FAM81A: variants seen among roughly 807,000 people sequenced by gnomAD.
FAM81A encodes family with sequence similarity 81 member A, also known as protein FAM81A.
FAM81A carries 19 observed loss-of-function variants against 46.7 expected under a neutral mutation model. The observed-to-expected ratio is 0.41, with a 90% confidence interval of 0.28 to 0.60. The LOEUF is 0.60. Among genes scored for constraint, FAM81A ranks in the 20% least tolerant of loss-of-function variants. FAM81A has a pLI of 0.34. For missense variants in FAM81A, 377 were observed against 453.5 expected (o/e 0.83, Z 1.53); for synonymous variants, 183 against 152.9 (o/e 1.20, Z -1.45).
At chr15:59,481,731 C>T (rs1442631850) in intron 3 of FAM81A, among the ~76,000 whole-genome samples, 1 of 151,662 alleles carries the variant, frequency 6.6e-6, no homozygotes, top group Non-Finnish European at 1.5e-5. Flanking sequence ...AATATTAATT[C>T]CAAGAACTAG....
At chr15:59,429,922 A>C (rs980767939) in intron 2 of FAM81A, among the ~76,000 whole-genome samples, 3 of 152,186 alleles carry the variant, frequency 2.0e-5, no homozygotes, top group Admixed American at 2.0e-4. Context: ...GCAGGTGGCG[A>C]AGAGTCTTAG....
intron 5 of FAM81A, among the ~76,000 whole-genome samples, chr15:59,508,394 G>A (rs538935807): frequency 1.4e-4 from 21 of 152,338 alleles, no homozygotes; most frequent in African/African-American, 5.1e-4. Flanking sequence ...TGGGTAGGTG[G>A]TGTGAGAAAG....
intron 3 of FAM81A, among the ~76,000 whole-genome samples, chr15:59,484,725 G>T (rs1190682446): frequency 2.0e-5 from 3 of 152,190 alleles, no homozygotes; most frequent in Non-Finnish European, 2.9e-5. Context: ...GATTTCTTCT[G>T]CTTGAGAAAA....
Position 59,516,175 on chromosome 15 carries a change from G to A in FAM81A, c.787-470G>A, listed in dbSNP as rs142924720. On this transcript the variant is annotated intron_variant, in intron 7 of 8. Transcript: ENST00000288228. ...AGAGTCTCACTCTGTTACCCAGGCT[G>A]GAGTGGAATGGCGAGATCTTGGCTC... Among the ~76,000 whole-genome samples, 750 of 148,232 alleles carry A rather than the reference G, an allele frequency of 5.1e-3. 24 individuals carry two copies. Among genetic ancestry groups the A allele is most frequent in the Admixed American group, 0.042 (627 of 14,778 alleles).
upstream of FAM81A, among the ~76,000 whole-genome samples, chr15:59,434,208 T>C (rs1474183143): frequency 3.3e-5 from 5 of 152,170 alleles, no homozygotes; most frequent in East Asian, 9.6e-4. Context: ...AAAGGAATGG[T>C]AGAATTTAGA....
At chr15:59,520,563 A>ATTTTTTT (rs71119482) in intron 8 of FAM81A, among the ~76,000 whole-genome samples, 1 of 122,250 alleles carries the variant, frequency 8.2e-6, no homozygotes, top group Admixed American at 8.3e-5. Context: ...TGTTTGCTTC[A>ATTTTTTT]TTTTTTTTTT....
At chr15:59,457,021 G>A (rs1351336915) in intron 1 of FAM81A, among the ~76,000 whole-genome samples, 5 of 152,202 alleles carry the variant, frequency 3.3e-5, no homozygotes, top group Non-Finnish European at 1.5e-5. Context: ...TATCTCAACT[G>A]AGATGTCTTA....
chr15:59,434,879 C>A (rs1567042055), upstream of FAM81A, among the ~76,000 whole-genome samples: 1 of 152,246 alleles, frequency 6.6e-6, no homozygotes, highest in Non-Finnish European at 1.5e-5. Flanking sequence ...TTGACCTCTA[C>A]CTACCTAGAG....
chr15:59,449,995 C>T (rs886989947), intron 1 of FAM81A, among the ~76,000 whole-genome samples: 3 of 151,202 alleles, frequency 2.0e-5, no homozygotes, highest in African/African-American at 7.3e-5. Context: ...GGTCACTGCT[C>T]ACTGCAGCCT....
chr15:59,451,125 T>A (rs545745430), intron 1 of FAM81A, among the ~76,000 whole-genome samples: 1 of 152,326 alleles, frequency 6.6e-6, no homozygotes, highest in African/African-American at 2.4e-5. Flanking sequence ...TAGATCAGCA[T>A]TGTTAGGGTG....
chr15:59,436,955 C>A (rs1178985861), upstream of FAM81A, among the ~76,000 whole-genome samples: 2 of 152,152 alleles, frequency 1.3e-5, no homozygotes, highest in Admixed American at 1.3e-4. Flanking sequence ...TTCATCTTCA[C>A]CATTGTGTCT....
chr15:59,445,583 C>T (rs1406492628), intron 1 of FAM81A: 3 of 152,166 alleles, frequency 2.0e-5, no homozygotes, highest in Non-Finnish European at 2.9e-5. Context: ...AGAAGTCCAG[C>T]CTCCTCTCTC....
chr15:59,399,061 C>T (rs1009945017), intron 1 of FAM81A, among the ~76,000 whole-genome samples: 2 of 151,954 alleles, frequency 1.3e-5, no homozygotes, highest in Non-Finnish European at 2.9e-5. Context: ...CCCAGCTACT[C>T]GGTAGGCTGA....
At chr15:59,466,727 T>A (rs1157579866) in intron 3 of FAM81A, among the ~76,000 whole-genome samples, 1 of 152,166 alleles carries the variant, frequency 6.6e-6, no homozygotes, top group African/African-American at 2.4e-5. Context: ...CCCATTTGTC[T>A]ATTTTGGCTT....
At chr15:59,465,086 G>T (rs555892600) in intron 3 of FAM81A, among the ~76,000 whole-genome samples, 1 of 152,240 alleles carries the variant, frequency 6.6e-6, no homozygotes, top group East Asian at 1.9e-4. Context: ...CCCTCAATGA[G>T]TATTCTTGGC....
chr15:59,489,182 A>G (rs1596521438), intron 3 of FAM81A, among the ~76,000 whole-genome samples: 3 of 151,846 alleles, frequency 2.0e-5, no homozygotes, highest in African/African-American at 7.2e-5. Flanking sequence ...GGAGAATGGC[A>G]TGAACCTGGG....
intron 3 of FAM81A, among the ~76,000 whole-genome samples, chr15:59,474,933 C>G (rs1270174189): frequency 1.3e-5 from 2 of 152,178 alleles, no homozygotes; most frequent in Non-Finnish European, 2.9e-5. Flanking sequence ...ACAGGCTGTG[C>G]TATTCAGCCA....
chr15:59,487,533 A>ATTCT (rs1431901619), intron 3 of FAM81A, among the ~76,000 whole-genome samples: 1 of 151,962 alleles, frequency 6.6e-6, no homozygotes, highest in Non-Finnish European at 1.5e-5. Flanking sequence ...AAAAAACAGA[A>ATTCT]AAGACCCAAC....
chr15:59,469,064 G>T (rs1271614218), intron 3 of FAM81A, among the ~76,000 whole-genome samples: 1 of 152,152 alleles, frequency 6.6e-6, no homozygotes, highest in East Asian at 1.9e-4. Flanking sequence ...ATTGCACTGT[G>T]GTCTGAGAGA....
Sources: gnomAD v4.1 joint callset for allele counts (sites outside exome capture counted in the v4.1 genomes callset) on GRCh38, gnomAD v4.1.1 for gene constraint, MANE v1.5 for transcripts, NCBI Gene and HGNC (gene_info 2026-07-23, HGNC 2026-07-21) for gene names.